DIAPH2: variants seen among roughly 807,000 people sequenced by gnomAD.
DIAPH2 encodes the protein protein diaphanous homolog 2.
In DIAPH2, 35 loss-of-function variants were observed where a neutral mutation model predicts 92.7. The ratio of observed to expected loss-of-function variants is 0.38; its 90% CI spans 0.29 to 0.50. DIAPH2 has a LOEUF of 0.50. DIAPH2 is among the 20% of genes least tolerant of loss of function. DIAPH2 has a pLI of 0.94. For missense variants in DIAPH2, 701 were observed against 819.5 expected (o/e 0.86, Z 1.77); for synonymous variants, 301 against 280.4 (o/e 1.07, Z -0.73).
At chrX:97,230,806 C>G (rs1335151058) in intron 22 of DIAPH2, among the ~76,000 whole-genome samples, 2 of 112,275 alleles carry the variant, frequency 1.8e-5, no homozygotes, top group Non-Finnish European at 3.8e-5. Flanking sequence ...CTTGGCCTCC[C>G]AACGTGCTGG....
intron 19 of DIAPH2, among the ~76,000 whole-genome samples, chrX:97,088,774 A>G (rs921778372): frequency 2.7e-5 from 3 of 112,407 alleles, no homozygotes; most frequent in Non-Finnish European, 5.6e-5. Flanking sequence ...ACAATATCAA[A>G]TAAATATTTA....
In DIAPH2 at chrX:96,965,251, A is replaced by G. The variant is rs2065887500; in HGVS notation, c.2050+44A>G. 3.9e-6 allele frequency: 4 copies of G among 1,016,766 alleles called. No individual in the cohort carries two copies. The African/African-American group carries it at 5.8e-5, about 15-fold the overall frequency. The allele number at this position is 1,016,766 out of a possible 1,213,427, so 83.8% of individuals were successfully genotyped here. A position where few individuals can be genotyped will look rare whatever the true frequency, so the allele number is the denominator to read the frequency against. On this transcript the variant is annotated intron_variant, in intron 17 of 26. Coordinates refer to ENST00000324765, the MANE Select transcript of DIAPH2 (RefSeq NM_006729.5). The stretch of plus-strand genomic sequence containing the variant: ...AATATAAGTTCCCGATTCAGGTACA[A>G]TTTAATTTAGTGCTTTGCTAAAAAT...
At chrX:96,935,618 G>A (rs2065652318) in intron 10 of DIAPH2, among the ~76,000 whole-genome samples, 1 of 111,066 alleles carries the variant, frequency 9.0e-6, no homozygotes, top group African/African-American at 3.3e-5. Flanking sequence ...ATAAAATACT[G>A]CATTTACACA....
chrX:97,523,633 G>T (rs2071005491), intron 26 of DIAPH2, among the ~76,000 whole-genome samples: 1 of 111,617 alleles, frequency 9.0e-6, no homozygotes, highest in Non-Finnish European at 1.9e-5. Context: ...TTTGAAAAAT[G>T]AAAAAGGGAA....
chrX:97,598,671 G>A lies in DIAPH2; in HGVS notation c.3242-582G>A, dbSNP rs748266255. ...AATAATTATTCTTCCTGTGATGGGT[G>A]GTGGGAATGGGACCTGGAATAGGTC... On this transcript the variant is annotated intron_variant, in intron 26 of 26. Transcript: ENST00000324765. 4.5e-5 allele frequency among the ~76,000 whole-genome samples: 5 copies of A among 111,448 alleles called. No individual in the cohort carries two copies. The South Asian group carries it at 1.9e-3, about 43-fold the overall frequency.
chrX:97,321,497 C>T (rs1373935922), intron 23 of DIAPH2, among the ~76,000 whole-genome samples: 2 of 107,126 alleles, frequency 1.9e-5, no homozygotes, highest in East Asian at 2.9e-4. Context: ...TATGCATGTA[C>T]GTTCACATAC....
chrX:96,713,194 T>C (rs2063929407), intron 1 of DIAPH2, among the ~76,000 whole-genome samples: 1 of 112,002 alleles, frequency 8.9e-6, no homozygotes, highest in Non-Finnish European at 1.9e-5. Flanking sequence ...TGTACCTTTG[T>C]TCCTAATTTT....
At chrX:96,914,419 T>C (rs1227916881) in intron 7 of DIAPH2, among the ~76,000 whole-genome samples, 1 of 111,533 alleles carries the variant, frequency 9.0e-6, no homozygotes, top group Non-Finnish European at 1.9e-5. Flanking sequence ...AATGGAAAGA[T>C]AACACAGTTC....
chrX:97,153,757 C>T (rs2067302546), intron 22 of DIAPH2, among the ~76,000 whole-genome samples: 1 of 111,131 alleles, frequency 9.0e-6, no homozygotes, highest in African/African-American at 3.3e-5. Context: ...ATCATGAAGG[C>T]TCATGTTATT....
At chrX:97,388,521 T>G (rs2069622995) in intron 25 of DIAPH2, among the ~76,000 whole-genome samples, 1 of 111,332 alleles carries the variant, frequency 9.0e-6, no homozygotes, top group African/African-American at 3.3e-5. Context: ...CCAGCTGCTC[T>G]TAGTTACTGT....
chrX:96,791,832 C>T (rs1419661129), intron 4 of DIAPH2, among the ~76,000 whole-genome samples: 7 of 110,739 alleles, frequency 6.3e-5, no homozygotes, highest in Admixed American at 9.7e-5. Flanking sequence ...TAATTCTCAC[C>T]GTAATCCTTT....
At chrX:96,996,236 C>G (rs2066104320) in intron 17 of DIAPH2, among the ~76,000 whole-genome samples, 2 of 111,808 alleles carry the variant, frequency 1.8e-5, no homozygotes, top group Admixed American at 1.9e-4. Flanking sequence ...ATTTAAATTA[C>G]TTTTGTCACA....
At chrX:97,095,098 C>CGTTTTTTTTTT (rs2066856407) in intron 19 of DIAPH2, among the ~76,000 whole-genome samples, 1 of 22,406 alleles carries the variant, frequency 4.5e-5, no homozygotes, top group Non-Finnish European at 9.0e-5. Context: ...GTTTCTTTTT[C>CGTTTTTTTTTT]TTTTTTTTTT....
intron 22 of DIAPH2, among the ~76,000 whole-genome samples, chrX:97,218,663 A>C (rs2067902335): frequency 9.0e-6 from 1 of 111,053 alleles, no homozygotes; most frequent in Admixed American, 9.7e-5. Context: ...CTGGTTCTAT[A>C]ACTGCTGGAG....
rs181084705 is a variant in DIAPH2, at chrX:96,714,831, C to A, written c.133-20927C>A. Among the ~76,000 whole-genome samples, 676 of 111,351 alleles carry A rather than the reference C, an allele frequency of 6.1e-3. 10 individuals are homozygous for A. The highest frequency in any genetic ancestry group is 0.021 in the African/African-American group (642 of 30,588). On this transcript the variant is annotated intron_variant, in intron 1 of 26. Transcript: ENST00000324765. Reference sequence around the variant, plus strand: ...GTTTATTTTGCTTGGAGAATTTTACCTATAAGATAGCAGAAAAGCTGGGCA... The same window carrying A: ...GTTTATTTTGCTTGGAGAATTTTACATATAAGATAGCAGAAAAGCTGGGCA...
At chrX:97,446,590 C>T (rs926699206) in intron 26 of DIAPH2, among the ~76,000 whole-genome samples, 14 of 111,575 alleles carry the variant, frequency 1.3e-4, no homozygotes, top group Non-Finnish European at 2.1e-4. Context: ...TGTTCATCCA[C>T]GTGTTTTTGT....
In DIAPH2 at chrX:97,076,530, C is replaced by CA. The variant is rs1291915153; in HGVS notation, c.2247+1278dup. On this transcript the variant is annotated intron_variant, in intron 19 of 26. Transcript: ENST00000324765. ...CTGGAGACAGAGCGAGACTCTGTCT[C>CA]AAAAAAAAATGAAACAAAACAAAAC... 2.9e-4 allele frequency among the ~76,000 whole-genome samples: 31 copies of CA among 106,186 alleles called. 1 individual carries two copies. The highest frequency in any genetic ancestry group is 3.4e-4 in the African/African-American group (10 of 29,163). The allele number at this position is 106,186 out of a possible 115,157, so 92.2% of individuals were successfully genotyped here. A position where few individuals can be genotyped will look rare whatever the true frequency, so the allele number is the denominator to read the frequency against.
intron 22 of DIAPH2, among the ~76,000 whole-genome samples, chrX:97,148,967 G>C (rs2067265829): frequency 9.0e-6 from 1 of 111,397 alleles, no homozygotes; most frequent in Admixed American, 9.6e-5. Context: ...AAACCACAAA[G>C]GTTTATGGTG....
intron 24 of DIAPH2, among the ~76,000 whole-genome samples, chrX:97,373,010 CTGTT>C (rs1386157606): frequency 1.8e-5 from 2 of 110,961 alleles, no homozygotes; most frequent in Non-Finnish European, 3.8e-5. Flanking sequence ...CCGTGTAACA[CTGTT>C]TGTGGATCCT....
Sources: gnomAD v4.1 joint callset for allele counts (sites outside exome capture counted in the v4.1 genomes callset) on GRCh38, gnomAD v4.1.1 for gene constraint, MANE v1.5 for transcripts, NCBI Gene and HGNC (gene_info 2026-07-23, HGNC 2026-07-21) for gene names.